DGKI: variants seen among roughly 807,000 people sequenced by gnomAD.
DGKI encodes the protein DAG kinase iota.
Under a neutral mutation model 147.5 loss-of-function variants are expected in DGKI, and 55 were observed. The observed-to-expected ratio is 0.37, with a 90% CI of 0.30 to 0.47. DGKI has a LOEUF of 0.47. Ranked by LOEUF, DGKI falls within the 20% of genes least tolerant of loss-of-function variation. DGKI has a pLI of 1.00. For missense variants in DGKI, 1,007 were observed against 1,323.8 expected, an observed-to-expected ratio of 0.76 and a Z score of 3.71; for synonymous variants, 469 against 477.1, an observed-to-expected ratio of 0.98 and a Z score of 0.22.
At chr7:137,585,487 A>C (rs1819360046) in intron 13 of DGKI, 141 bp from the exon 14 acceptor site, 1 of 914,146 alleles carries the variant, frequency 1.1e-6, no homozygotes, top group Non-Finnish European at 1.6e-6. Flanking sequence ...TTTTACCTTG[A>C]GGTACTTAGA....
intron 3 of DGKI, among the ~76,000 whole-genome samples, chr7:137,672,849 C>T (rs969553287): frequency 5.6e-5 from 8 of 142,474 alleles, no homozygotes; most frequent in Non-Finnish European, 7.5e-5. Context: ...GGCACGATCT[C>T]GGCTTACCGC....
At chr7:137,557,017 A>T (rs1233768785) in intron 19 of DGKI, among the ~76,000 whole-genome samples, 2 of 147,146 alleles carry the variant, frequency 1.4e-5, no homozygotes, top group Non-Finnish European at 2.9e-5. Flanking sequence ...AACAGGAAGA[A>T]TTTGACCTCA....
chr7:137,518,600 G>A (rs1816859234), intron 21 of DGKI, among the ~76,000 whole-genome samples: 2 of 151,918 alleles, frequency 1.3e-5, no homozygotes, highest in Non-Finnish European at 2.9e-5. Context: ...TTTTCAATTG[G>A]CTTCAAGCTG....
At chr7:137,504,374 A>T (rs547255819) in intron 21 of DGKI, among the ~76,000 whole-genome samples, 30 of 152,338 alleles carry the variant, frequency 2.0e-4, no homozygotes, top group African/African-American at 7.2e-4. Context: ...GGATCATTAT[A>T]AGAACGTGTG....
intron 20 of DGKI, among the ~76,000 whole-genome samples, chr7:137,525,907 G>T (rs1817127882): frequency 6.6e-6 from 1 of 151,980 alleles, no homozygotes; most frequent in Non-Finnish European, 1.5e-5. Flanking sequence ...AGATTGTCTA[G>T]CTTGGCTGGT....
chr7:137,475,814 C>T (rs1278434971), intron 23 of DGKI, among the ~76,000 whole-genome samples: 3 of 151,956 alleles, frequency 2.0e-5, no homozygotes, highest in Non-Finnish European at 4.4e-5. Flanking sequence ...ATTTTAATTA[C>T]GATTTCAATT....
chr7:137,796,732 A>C (rs1411143795), intron 1 of DGKI, among the ~76,000 whole-genome samples: 1 of 152,176 alleles, frequency 6.6e-6, no homozygotes, highest in Non-Finnish European at 1.5e-5. Flanking sequence ...GAATTAACAA[A>C]CTTGGAAATA....
intron 6 of DGKI, among the ~76,000 whole-genome samples, chr7:137,643,790 A>G (rs1254575056): frequency 6.6e-6 from 1 of 152,172 alleles, no homozygotes; most frequent in African/African-American, 2.4e-5. Flanking sequence ...ACTAGGGAAC[A>G]CTTGTCTCAA....
chr7:137,421,989 A>G (rs758751560), intron 28 of DGKI, among the ~76,000 whole-genome samples: 14 of 152,200 alleles, frequency 9.2e-5, no homozygotes, highest in Non-Finnish European at 1.5e-4. Flanking sequence ...CTCTTTGTAA[A>G]TCTCATGGTG....
At position 137,501,094 on chromosome 7, in the gene DGKI, C is replaced by A. The variant is rs144813640; in HGVS notation, c.2249-13405G>T. 1.3e-3 allele frequency among the ~76,000 whole-genome samples: 201 copies of A among 152,194 alleles called. 2 individuals carry two copies. The highest frequency in any genetic ancestry group is 0.011 in the Admixed American group (163 of 15,264). ...TTCAGGAGACTGACTTTTTTAGCCC[C>A]TAGATATGAGACAGAATATGCCCTA... On this transcript the variant is annotated intron_variant, in intron 21 of 32. Transcript: ENST00000614521.
chr7:137,756,676 C>T (rs1325590201), intron 1 of DGKI, among the ~76,000 whole-genome samples: 1 of 152,118 alleles, frequency 6.6e-6, no homozygotes, highest in Non-Finnish European at 1.5e-5. Flanking sequence ...TCATCCATAT[C>T]TACGATCTAA....
intron 1 of DGKI, among the ~76,000 whole-genome samples, chr7:137,788,190 C>G (rs1417155761): frequency 6.6e-6 from 1 of 152,034 alleles, no homozygotes; most frequent in Non-Finnish European, 1.5e-5. Flanking sequence ...CCTTCAAAGC[C>G]TTCTCTGATC....
In DGKI at chr7:137,501,916, G is replaced by A. The variant is rs145163534; in HGVS notation, c.2249-14227C>T. On this transcript the variant is annotated intron_variant, in intron 21 of 32. Coordinates refer to ENST00000614521, the MANE Select transcript of DGKI (RefSeq NM_001321708.2). ...CCTGGTGGGAGATGAATGAATCATG[G>A]GGGCAGGTCTTTCCCATGCTGTTCT... is the stretch of plus-strand genomic sequence containing the variant. 9.8e-3 allele frequency among the ~76,000 whole-genome samples: 1,485 copies of A among 152,202 alleles called. 20 individuals carry two copies. The highest frequency in any genetic ancestry group is 0.034 in the African/African-American group (1,411 of 41,516).
chr7:137,773,956 A>T (rs1796286853), intron 1 of DGKI, among the ~76,000 whole-genome samples: 1 of 152,212 alleles, frequency 6.6e-6, no homozygotes, highest in Non-Finnish European at 1.5e-5. Flanking sequence ...AACAAGGTGG[A>T]TGTCTAGAAG....
intron 1 of DGKI, among the ~76,000 whole-genome samples, chr7:137,779,547 T>C (rs1259027279): frequency 6.6e-6 from 1 of 152,166 alleles, no homozygotes; most frequent in Non-Finnish European, 1.5e-5. Context: ...AAAAACATAT[T>C]TACCAACCAT....
intron 20 of DGKI, among the ~76,000 whole-genome samples, chr7:137,540,454 A>G (rs1817649968): frequency 6.6e-6 from 1 of 152,180 alleles, no homozygotes; most frequent in Non-Finnish European, 1.5e-5. Context: ...GGATGCTACC[A>G]AACTCCTAGA....
intron 21 of DGKI, among the ~76,000 whole-genome samples, chr7:137,505,415 T>C (rs1816331958): frequency 6.6e-6 from 1 of 152,132 alleles, no homozygotes; most frequent in Non-Finnish European, 1.5e-5. Flanking sequence ...ATTTATGCTG[T>C]TGTAGTTGGT....
At chr7:137,393,008 A>G (rs536582612) in intron 32 of DGKI, among the ~76,000 whole-genome samples, 1 of 152,318 alleles carries the variant, frequency 6.6e-6, no homozygotes, top group South Asian at 2.1e-4. Context: ...TTGAGTGAAA[A>G]GTTATACGAT....
chr7:137,751,157 A>C (rs984614874), intron 1 of DGKI, among the ~76,000 whole-genome samples: 10 of 152,262 alleles, frequency 6.6e-5, no homozygotes, highest in African/African-American at 2.4e-4. Context: ...ACTTCAGTAA[A>C]CATCTGGAAG....
Sources: allele counts gnomAD v4.1 joint callset (sites outside exome capture counted in the v4.1 genomes callset), GRCh38; gene constraint gnomAD v4.1.1; transcripts MANE v1.5; gene names NCBI Gene and HGNC (gene_info 2026-07-23, HGNC 2026-07-21).